Variants in SLC25A28 observed in about 807,000 individuals in gnomAD.
The protein encoded by SLC25A28 is mitoferrin-2.
In SLC25A28, 10 loss-of-function variants were observed where a neutral mutation model predicts 31.9. The ratio of observed to expected loss-of-function variants is 0.31; its 90% CI spans 0.19 to 0.53. The LOEUF is 0.53. SLC25A28 is among the 20% of genes least tolerant of loss of function. The pLI is 0.95. For missense variants in SLC25A28, 256 were observed against 490.3 expected (o/e 0.52, Z 4.51); for synonymous variants, 208 against 203.6 (o/e 1.02, Z -0.19).
the SLC25A28 span, among the ~76,000 whole-genome samples, chr10:99,654,612 C>G: frequency 6.6e-6 from 1 of 152,066 alleles, no homozygotes; most frequent in African/African-American, 2.4e-5. Context: ...GCCGAGATTG[C>G]ACCACCACAC....
chr10:99,625,858 C>G, the SLC25A28 span, among the ~76,000 whole-genome samples: 12 of 152,244 alleles, frequency 7.9e-5, no homozygotes, highest in African/African-American at 2.9e-4. Flanking sequence ...AAGGCCTGTA[C>G]TTTAGCTGGT....
At chr10:99,616,112 AT>A in intron 1 of SLC25A28, 1 of 985,444 alleles carries the variant, frequency 1.0e-6, no homozygotes, top group African/African-American at 1.7e-5. Context: ...TTACAGAAAG[AT>A]GAAATATCTA....
At chr10:99,659,238 C>A in the SLC25A28 span, among the ~76,000 whole-genome samples, 6 of 152,208 alleles carry the variant, frequency 3.9e-5, no homozygotes, top group Non-Finnish European at 8.8e-5. The surrounding 1 kb of genome is among the most constrained non-coding windows in gnomAD (Gnocchi z 4.1). Context: ...CCGCCCAGCG[C>A]CACTCACCTG....
At chr10:99,653,805 T>C in the SLC25A28 span, 1 of 152,212 alleles carries the variant, frequency 6.6e-6, no homozygotes, top group Non-Finnish European at 1.5e-5. Flanking sequence ...AGGGATTCCA[T>C]CTTTTTGGAC....
At position 99,613,852 on chromosome 10, in the gene SLC25A28, T is replaced by A; in HGVS notation, c.364A>T (p.Ile122Leu). ...RNVLEALWRIIRTEGLWRPMR... is the reference protein window; with the variant it reads ...RNVLEALWRILRTEGLWRPMR... ...GGCCTCCATAGGCCCTCCGTTCTTATAATCCTCCAGAGGGCCTCCAACACA... is the reference window on the plus strand; with the variant it reads ...GGCCTCCATAGGCCCTCCGTTCTTAAAATCCTCCAGAGGGCCTCCAACACA... Residue 122 changes from isoleucine (I) to leucine (L), a missense_variant, in exon 2 of 4, where the codon ATA becomes TTA. This residue lies in a region of SLC25A28 where 158 missense variants were observed against 379.1 expected (regional missense o/e 0.42). Transcript: ENST00000370495. This position sits in a 1 kb window ranked among gnomAD's most constrained non-coding sequence, Gnocchi z 4.9. The A allele has an allele frequency of 6.2e-7, 1 of 1,614,194 alleles. No homozygotes were observed. Among genetic ancestry groups the A allele is most frequent in the Non-Finnish European group, 8.5e-7 (1 of 1,180,006 alleles).
At chr10:99,648,970 C>A in the SLC25A28 span, among the ~76,000 whole-genome samples, 2 of 152,120 alleles carry the variant, frequency 1.3e-5, no homozygotes, top group Admixed American at 1.3e-4. Context: ...GTCTGATTGG[C>A]CTGGTGAAGA....
In SLC25A28 at chr10:99,617,512, T is replaced by C. The variant is rs200378035; in HGVS notation, c.291+2533A>G. On this transcript the variant is annotated intron_variant, in intron 1 of 3. Transcript: ENST00000370495. The stretch of plus-strand genomic sequence containing the variant: ...AGACTGGGCTGCTTTTCCTCCCCAC[T>C]CATCCACTTATTAAAAGAAGAAGGA... The C allele has an allele frequency of 4.5e-4, 9 of 19,840 alleles. 1 individual carries two copies. In the South Asian group the frequency reaches 0.02, roughly 44 times the overall value. 1.2% of individuals were successfully genotyped at this position (19,840 alleles called of 1,614,324 possible).
At chr10:99,625,967 A>C in the SLC25A28 span, among the ~76,000 whole-genome samples, 1 of 152,254 alleles carries the variant, frequency 6.6e-6, no homozygotes, top group Admixed American at 6.5e-5. Context: ...CTTGTTAAGC[A>C]ATTGCTGTTA....
the SLC25A28 span, among the ~76,000 whole-genome samples, chr10:99,649,286 T>C: frequency 6.6e-6 from 1 of 152,228 alleles, no homozygotes; most frequent in African/African-American, 2.4e-5. Flanking sequence ...CATCCTTGCA[T>C]TCCTGGGATA....
the SLC25A28 span, among the ~76,000 whole-genome samples, chr10:99,639,349 G>C: frequency 1.0e-3 from 155 of 151,818 alleles, 1 homozygote; most frequent in East Asian, 2.7e-3. Context: ...GGGTGGGAGG[G>C]GGGCGAGGGA....
the SLC25A28 span, among the ~76,000 whole-genome samples, chr10:99,626,656 C>T: frequency 6.6e-6 from 1 of 152,198 alleles, no homozygotes; most frequent in Non-Finnish European, 1.5e-5. Context: ...CAAGATATAA[C>T]AGTAGACTTC....
chr10:99,624,389 C>A (rs1167734339), upstream of SLC25A28, among the ~76,000 whole-genome samples: 5 of 152,224 alleles, frequency 3.3e-5, no homozygotes, highest in Admixed American at 2.6e-4. Flanking sequence ...AGCCACCACG[C>A]CTACCTAGAT....
rs181699425 is a variant in SLC25A28, at chr10:99,613,307, A to G, written c.520+389T>C. The G allele has an allele frequency of 3.5e-6, 3 of 865,222 alleles. No homozygotes were observed. The highest frequency in any genetic ancestry group is 2.4e-4 in the East Asian group (2 of 8,232). The allele number at this position is 865,222 out of a possible 1,614,324, so 53.6% of individuals were successfully genotyped here. A position where few individuals can be genotyped will look rare whatever the true frequency, so the allele number is the denominator to read the frequency against. On this transcript the variant is annotated intron_variant, in intron 2 of 3. Coordinates refer to ENST00000370495, the MANE Select transcript of SLC25A28 (RefSeq NM_031212.4). This position sits in a 1 kb window ranked among gnomAD's most constrained non-coding sequence, Gnocchi z 4.9. ...GGCAAAAAGCAGGGGCTTCATTAGT[A>G]TCTTCCTTGGGTGGCTGGCTGGGTC...
the SLC25A28 span, among the ~76,000 whole-genome samples, chr10:99,627,647 GC>G: frequency 1.1e-4 from 17 of 151,846 alleles, no homozygotes; most frequent in Non-Finnish European, 1.9e-4. Context: ...TCATTATGTT[GC>G]CCAGACTAGT....
chr10:99,657,220 T>C, the SLC25A28 span, among the ~76,000 whole-genome samples: 1,110 of 152,320 alleles, frequency 7.3e-3, 18 homozygotes, highest in African/African-American at 0.024. Flanking sequence ...ACCTATTTTG[T>C]GGAACACTAA....
At chr10:99,636,805 C>T in the SLC25A28 span, among the ~76,000 whole-genome samples, 13 of 152,026 alleles carry the variant, frequency 8.6e-5, no homozygotes, top group South Asian at 2.1e-4. Flanking sequence ...TTAAAAATTA[C>T]CGACAACAAA....
chr10:99,623,424 T>A (rs1311842605), upstream of SLC25A28, among the ~76,000 whole-genome samples: 1 of 152,212 alleles, frequency 6.6e-6, no homozygotes, highest in Non-Finnish European at 1.5e-5. Flanking sequence ...GCCCAATAGA[T>A]GAGACTCTAA....
At chr10:99,636,366 G>A in the SLC25A28 span, among the ~76,000 whole-genome samples, 13 of 152,252 alleles carry the variant, frequency 8.5e-5, no homozygotes, top group South Asian at 1.5e-3. Context: ...ACCTGCTCCC[G>A]AATGAGCATT....
chr10:99,644,024 G>A, the SLC25A28 span, among the ~76,000 whole-genome samples: 6 of 152,360 alleles, frequency 3.9e-5, no homozygotes, highest in African/African-American at 4.8e-5. Flanking sequence ...ATGTGGTGCT[G>A]AGAAGAATGT....
Sources: allele counts gnomAD v4.1 joint callset (sites outside exome capture counted in the v4.1 genomes callset), GRCh38; gene constraint gnomAD v4.1.1; regional missense constraint gnomAD v4.1.1; non-coding constraint Gnocchi (gnomAD v3.1); transcripts MANE v1.5; gene names NCBI Gene and HGNC (gene_info 2026-07-23, HGNC 2026-07-21).